DLC1: variants seen among roughly 807,000 people sequenced by gnomAD.
DLC1 encodes rho GTPase-activating protein 7.
A neutral mutation model predicts 140.3 loss-of-function variants in DLC1; 54 were observed. The ratio of observed to expected loss-of-function variants is 0.38; its 90% CI spans 0.31 to 0.48. DLC1 has a LOEUF of 0.48. Ranked by LOEUF, DLC1 falls within the 20% of genes least tolerant of loss-of-function variation. DLC1 has a pLI of 0.96. For synonymous variants in DLC1, 986 were observed against 728.1 expected (o/e 1.35, Z -5.70); for missense variants, 2,536 against 1,907.0 (o/e 1.33, Z -6.14).
At chr8:13,442,629 G>T (rs1395366713) in intron 2 of DLC1, among the ~76,000 whole-genome samples, 1 of 152,190 alleles carries the variant, frequency 6.6e-6, no homozygotes, top group Non-Finnish European at 1.5e-5. Context: ...GGCCATCAGA[G>T]AAATGCAAAT....
intron 5 of DLC1, among the ~76,000 whole-genome samples, chr8:13,206,900 T>A (rs907586690): frequency 9.9e-5 from 15 of 152,150 alleles, no homozygotes; most frequent in African/African-American, 3.6e-4. Context: ...TTTACTGACA[T>A]TTCAGTGATG....
At position 13,166,987 on chromosome 8, in the gene DLC1, G is replaced by A. The variant is rs1469388017; in HGVS notation, c.1349-51330C>T. ...CTATGATGAAAATGAAGCAAGCGGG[G>A]TTAGAAAAATTTTGCCTAGTTCATC... On this transcript the variant is annotated intron_variant, in intron 5 of 17. Transcript: ENST00000276297. 2.0e-5 allele frequency among the ~76,000 whole-genome samples: 3 copies of A among 152,218 alleles called. No homozygotes were observed. The East Asian group carries it at 5.8e-4, about 29-fold the overall frequency.
chr8:13,461,358 G>C (rs1166924903), intron 2 of DLC1, among the ~76,000 whole-genome samples: 1 of 152,176 alleles, frequency 6.6e-6, no homozygotes, highest in African/African-American at 2.4e-5. Flanking sequence ...CACACAATAT[G>C]TCTGAACATT....
At chr8:13,391,399 A>T (rs1185310083) in intron 4 of DLC1, among the ~76,000 whole-genome samples, 1 of 152,228 alleles carries the variant, frequency 6.6e-6, no homozygotes, top group Admixed American at 6.5e-5. Context: ...CTTCCAAGTT[A>T]ACATATTTTC....
intron 14 of DLC1, among the ~76,000 whole-genome samples, chr8:13,091,100 G>A (rs376422042): frequency 8.5e-5 from 13 of 152,066 alleles, no homozygotes; most frequent in Admixed American, 1.3e-4. Context: ...GAGCCACTGC[G>A]CCCGGCTGCT....
At chr8:13,141,328 T>A (rs1416551195) in intron 5 of DLC1, among the ~76,000 whole-genome samples, 1 of 149,376 alleles carries the variant, frequency 6.7e-6, no homozygotes, top group Non-Finnish European at 1.5e-5. Flanking sequence ...GCACCGAGTT[T>A]TTAAGAAATG....
At position 13,405,074 on chromosome 8, in the gene DLC1, T is replaced by C. The variant is rs1837465214; in HGVS notation, c.1024-3455A>G. On this transcript the variant is annotated intron_variant, in intron 2 of 17. Transcript: ENST00000276297. ...TTTTTTTTTTAGTAGTGGTTCCTTT[T>C]GCTCTCGTCCTTGCTCTATTTATTA... 5.3e-5 allele frequency among the ~76,000 whole-genome samples: 8 copies of C among 152,206 alleles called. 1 individual carries two copies. The Middle Eastern group carries it at 0.027, about 518-fold the overall frequency.
intron 2 of DLC1, among the ~76,000 whole-genome samples, chr8:13,431,778 G>A (rs1241863980): frequency 2.0e-5 from 3 of 152,124 alleles, no homozygotes; most frequent in Admixed American, 1.3e-4. Context: ...GGGAACGTGG[G>A]TGGGGAAGTG....
At chr8:13,559,157 C>T (rs6981209) in intron 1 of DLC1, 39,215 of 152,036 alleles carry the variant, frequency 0.26, 5,264 homozygotes, top group East Asian at 0.33. Context: ...CTGGTCAGTG[C>T]GATATAAAGG....
At chr8:13,542,745 A>T (rs963141042) in intron 1 of DLC1, among the ~76,000 whole-genome samples, 1 of 152,008 alleles carries the variant, frequency 6.6e-6, no homozygotes, top group African/African-American at 2.4e-5. Flanking sequence ...TATATTTTTG[A>T]TGCTTTTTCT....
intron 5 of DLC1, among the ~76,000 whole-genome samples, chr8:13,145,676 A>G (rs1823380173): frequency 6.6e-6 from 1 of 152,252 alleles, no homozygotes; most frequent in African/African-American, 2.4e-5. Context: ...ACAGTGGAAT[A>G]TTACACAGCA....
At chr8:13,449,054 A>T (rs901781691) in intron 2 of DLC1, among the ~76,000 whole-genome samples, 2 of 152,170 alleles carry the variant, frequency 1.3e-5, no homozygotes, top group African/African-American at 4.8e-5. Flanking sequence ...AAAACAATTT[A>T]ATGAGCATAT....
At position 13,551,075 on chromosome 8, in the gene DLC1, C is replaced by CACTTT. The variant is rs71207163; in HGVS notation, c.-125-50880_-125-50879insAAAGT. Among the ~76,000 whole-genome samples, 254 of 121,678 alleles carry CACTTT rather than the reference C, an allele frequency of 2.1e-3. 1 individual carries two copies. The highest frequency in any genetic ancestry group is 7.3e-3 in the African/African-American group (240 of 32,838). 79.8% of individuals were successfully genotyped at this position (121,678 alleles called of 152,430 possible). A position where few individuals can be genotyped will look rare whatever the true frequency, so the allele number is the denominator to read the frequency against. On this transcript the variant is annotated intron_variant, in intron 1 of 1. Coordinates refer to the DLC1 transcript ENST00000631382. ...ACACACACACACACACACACACACACTTTTTTTTTTTTTCCAAAGAACACT... is the reference window on the plus strand; with the variant it reads ...ACACACACACACACACACACACACACACTTTTTTTTTTTTTTTTCCAAAGAACACT...
chr8:13,259,804 T>C (rs1213328271), intron 5 of DLC1, among the ~76,000 whole-genome samples: 1 of 152,140 alleles, frequency 6.6e-6, no homozygotes, highest in East Asian at 1.9e-4. Context: ...GGGTTTTTTT[T>C]TTTCTGTTTA....
chr8:13,358,831 T>C (rs1415018841), intron 4 of DLC1, among the ~76,000 whole-genome samples: 1 of 152,202 alleles, frequency 6.6e-6, no homozygotes, highest in Non-Finnish European at 1.5e-5. Context: ...GACAAAGTTA[T>C]TAAAAATCAG....
chr8:13,376,544 T>C (rs1465281443), intron 4 of DLC1, among the ~76,000 whole-genome samples: 1 of 152,000 alleles, frequency 6.6e-6, no homozygotes, highest in Non-Finnish European at 1.5e-5. Flanking sequence ...ATGGTTAGAG[T>C]AGAACGTGTG....
intron 2 of DLC1, among the ~76,000 whole-genome samples, chr8:13,403,888 C>T (rs1301817481): frequency 6.9e-6 from 1 of 144,950 alleles, no homozygotes; most frequent in African/African-American, 2.6e-5. Context: ...CAAACTCCTG[C>T]ACTCAGGAGA....
At chr8:13,471,747 A>C (rs1378481895) in intron 2 of DLC1, among the ~76,000 whole-genome samples, 1 of 152,080 alleles carries the variant, frequency 6.6e-6, no homozygotes, top group African/African-American at 2.4e-5. Context: ...GAAAGGAGAA[A>C]GAGAGAAAGA....
chr8:13,468,553 T>G (rs1460731076), intron 2 of DLC1, among the ~76,000 whole-genome samples: 1 of 151,668 alleles, frequency 6.6e-6, no homozygotes, highest in African/African-American at 2.4e-5. Context: ...TAACAAATTT[T>G]TTGCAGAGAT....
Sources: allele counts gnomAD v4.1 joint callset (sites outside exome capture counted in the v4.1 genomes callset), GRCh38; gene constraint gnomAD v4.1.1; transcripts MANE v1.5; gene names NCBI Gene and HGNC (gene_info 2026-07-23, HGNC 2026-07-21).